Variants in RARB observed in about 807,000 individuals in gnomAD.
RARB encodes HBV-activated protein.
In RARB, 17 loss-of-function variants were observed where a neutral mutation model predicts 51.9. The ratio of observed to expected loss-of-function variants is 0.33; its 90% CI spans 0.22 to 0.49. The LOEUF is 0.49. Ranked by LOEUF, RARB falls within the 20% of genes least tolerant of loss-of-function variation. RARB has a pLI of 0.99. For missense variants in RARB, 369 were observed against 550.8 expected (o/e 0.67, Z 3.30); for synonymous variants, 215 against 195.4 (o/e 1.10, Z -0.84).
intron 2 of RARB, among the ~76,000 whole-genome samples, chr3:24,907,276 C>A (rs1166929382): frequency 1.3e-5 from 2 of 152,158 alleles, no homozygotes; most frequent in Admixed American, 1.3e-4. Context: ...GGGCCTTACT[C>A]CAGTGATCTG....
At chr3:25,532,876 G>A (rs1698985047) in intron 3 of RARB, among the ~76,000 whole-genome samples, 1 of 152,168 alleles carries the variant, frequency 6.6e-6, no homozygotes, top group Admixed American at 6.6e-5. Flanking sequence ...TGCTTTTCAG[G>A]ACATTTAAAG....
At chr3:24,969,497 C>T (rs1408277760) in intron 2 of RARB, among the ~76,000 whole-genome samples, 2 of 152,082 alleles carry the variant, frequency 1.3e-5, no homozygotes, top group Non-Finnish European at 2.9e-5. Context: ...TTTTCTATAA[C>T]TTGTCCACCT....
chr3:24,902,495 G>A (rs1354091224), intron 2 of RARB, among the ~76,000 whole-genome samples: 2 of 152,108 alleles, frequency 1.3e-5, no homozygotes, highest in African/African-American at 4.8e-5. Context: ...TTAAGGTTTA[G>A]ACATGTTCTG....
At chr3:24,891,258 T>C (rs1703373146) in intron 2 of RARB, among the ~76,000 whole-genome samples, 2 of 152,236 alleles carry the variant, frequency 1.3e-5, no homozygotes, top group Non-Finnish European at 1.5e-5. Flanking sequence ...AACTAGGCTA[T>C]GAGTCTTTCA....
In RARB at chr3:24,839,769, C is replaced by T. The variant is rs150756771; in HGVS notation, c.-459+10366C>T. On this transcript the variant is annotated intron_variant, in intron 1 of 11. Coordinates refer to the RARB transcript ENST00000383772. ...AGTTTGGGTAATTGAAGCACAAATC[C>T]AGATTGTCACAAAATTATACTCGTG... Among the ~76,000 whole-genome samples, 486 of 150,296 alleles carry T rather than the reference C, an allele frequency of 3.2e-3. 4 individuals are homozygous for T. The highest frequency in any genetic ancestry group is 0.016 in the East Asian group (81 of 5,090).
At chr3:25,530,823 A>G (rs558051701) in intron 3 of RARB, among the ~76,000 whole-genome samples, 73 of 152,280 alleles carry the variant, frequency 4.8e-4, no homozygotes, top group Admixed American at 2.2e-3. Context: ...GGGAGGCATT[A>G]CTCTGCCTAC....
chr3:25,596,656 A>G lies in RARB; in HGVS notation c.*40A>G. Reference sequence around the variant, plus strand: ...ACTTCAAACATTCCCCAGTACCTTCAGTTCCAGGATTTAAAATGCAAGAAA... The same window carrying G: ...ACTTCAAACATTCCCCAGTACCTTCGGTTCCAGGATTTAAAATGCAAGAAA... On this transcript the variant is annotated 3_prime_UTR_variant, in exon 8 of 8. Transcript: ENST00000330688. 1 of 1,468,426 alleles carries G rather than the reference A, an allele frequency of 6.8e-7. No individual in the cohort carries two copies. Among genetic ancestry groups the G allele is most frequent in the Non-Finnish European group, 9.3e-7 (1 of 1,075,340 alleles). 91.0% of individuals were successfully genotyped at this position (1,468,426 alleles called of 1,614,324 possible). A position where few individuals can be genotyped will look rare whatever the true frequency, so the allele number is the denominator to read the frequency against.
intron 2 of RARB, among the ~76,000 whole-genome samples, chr3:24,889,109 A>G (rs1012368377): frequency 2.0e-5 from 3 of 152,222 alleles, no homozygotes; most frequent in African/African-American, 4.8e-5. Context: ...GACTCACTAC[A>G]TATGGATCCA....
chr3:25,481,955 CAAGGT>C (rs1696243777), intron 2 of RARB, among the ~76,000 whole-genome samples: 1 of 152,166 alleles, frequency 6.6e-6, no homozygotes, highest in African/African-American at 2.4e-5. Context: ...ATTTAAAAGA[CAAGGT>C]AAGGCACAGA....
chr3:24,860,977 C>G (rs191289886), intron 2 of RARB, among the ~76,000 whole-genome samples: 3 of 152,154 alleles, frequency 2.0e-5, no homozygotes, highest in African/African-American at 7.2e-5. Context: ...GAAACTCACA[C>G]AATGACAAAA....
At chr3:25,201,642 C>T (rs527474265) in intron 5 of RARB, among the ~76,000 whole-genome samples, 4 of 152,020 alleles carry the variant, frequency 2.6e-5, no homozygotes, top group East Asian at 1.9e-4. Context: ...TAGCATGAAG[C>T]GTTGTTGAGT....
At chr3:25,229,523 T>G (rs1385287589) in intron 5 of RARB, among the ~76,000 whole-genome samples, 1 of 152,166 alleles carries the variant, frequency 6.6e-6, no homozygotes, top group African/African-American at 2.4e-5. Context: ...AATACATAAG[T>G]AAGCATTCTA....
rs1225301181 is a variant in RARB, at chr3:25,550,401, C to T, written c.449-19357C>T. On this transcript the variant is annotated intron_variant, in intron 3 of 7. Transcript: ENST00000330688. ...AAGGCTGGGAAGTCCAAGATCAAGG[C>T]ACCAGGAGATGCCTAGTGAGGTCCT... Among the ~76,000 whole-genome samples, 5 of 152,026 alleles carry T rather than the reference C, an allele frequency of 3.3e-5. No homozygotes were observed. In the East Asian group the frequency reaches 9.7e-4, roughly 29 times the overall value.
At chr3:25,191,469 G>C (rs1701101782) in intron 5 of RARB, among the ~76,000 whole-genome samples, 1 of 152,038 alleles carries the variant, frequency 6.6e-6, no homozygotes, top group Non-Finnish European at 1.5e-5. Context: ...CCTCACTTAG[G>C]GTGATGCCTT....
intron 2 of RARB, among the ~76,000 whole-genome samples, chr3:24,872,960 CT>C (rs1454734449): frequency 2.0e-5 from 3 of 152,166 alleles, no homozygotes; most frequent in African/African-American, 7.2e-5. Flanking sequence ...AATCAGCAAA[CT>C]TTTTCTAAAG....
exon 5 of RARB, chr3:25,174,409 C>A (rs1575195914): frequency 2.2e-6 from 3 of 1,352,090 alleles, no homozygotes; most frequent in African/African-American, 1.5e-5. Context: ...TGACCACCAG[C>A]GGCCACGCAT....
At position 25,182,265 on chromosome 3, in the gene RARB, C is replaced by T. The variant is rs188184473; in HGVS notation, c.178+7690C>T. 2.2e-3 allele frequency among the ~76,000 whole-genome samples: 328 copies of T among 152,298 alleles called. 1 individual carries two copies. The highest frequency in any genetic ancestry group is 3.6e-3 in the Non-Finnish European group (246 of 68,024). ...AAATAAACTGACTAGAAAATAAATGCTCTAGCTGTTGAGAGGAAGGGAGTT... is the reference window on the plus strand; with the variant it reads ...AAATAAACTGACTAGAAAATAAATGTTCTAGCTGTTGAGAGGAAGGGAGTT... On this transcript the variant is annotated intron_variant, in intron 5 of 11. Coordinates refer to the RARB transcript ENST00000383772.
chr3:25,555,993 C>T (rs1477813841), intron 3 of RARB, among the ~76,000 whole-genome samples: 3 of 139,138 alleles, frequency 2.2e-5, no homozygotes, highest in Admixed American at 7.7e-5. Flanking sequence ...TATGTTGTTT[C>T]TTGGACATCT....
At chr3:25,330,328 C>T (rs1441557068) in intron 5 of RARB, among the ~76,000 whole-genome samples, 1 of 152,234 alleles carries the variant, frequency 6.6e-6, no homozygotes, top group Non-Finnish European at 1.5e-5. Flanking sequence ...GGCAGACACT[C>T]TGCAAGCCAG....
Sources: allele counts gnomAD v4.1 joint callset (sites outside exome capture counted in the v4.1 genomes callset), GRCh38; gene constraint gnomAD v4.1.1; transcripts MANE v1.5; gene names NCBI Gene and HGNC (gene_info 2026-07-23, HGNC 2026-07-21).